The following GMEB2 variants were observed in gnomAD, a reference collection of about 807,000 sequenced individuals.
The protein encoded by GMEB2 is glucocorticoid modulatory element-binding protein 2.
In GMEB2, 7 loss-of-function variants were observed where a neutral mutation model predicts 45.7. That is an observed-to-expected ratio of 0.15 (90% confidence interval 0.09 to 0.29). The LOEUF is 0.29. Among genes scored for constraint, GMEB2 ranks in the 10% least tolerant of loss-of-function variants. The pLI is 1.00. For missense variants in GMEB2, 582 were observed against 739.2 expected, an observed-to-expected ratio of 0.79 and a Z score of 2.47; for synonymous variants, 322 against 323.6, an observed-to-expected ratio of 1.00 and a Z score of 0.05.
At chr20:63,604,203 A>AAT (rs2089500987) in intron 3 of GMEB2, among the ~76,000 whole-genome samples, 1 of 133,626 alleles carries the variant, frequency 7.5e-6, no homozygotes, top group South Asian at 2.5e-4. Flanking sequence ...ATTTCTTGAA[A>AAT]AAAAAAAAAA....
At chr20:63,614,363 G>C (rs1000441719) in intron 2 of GMEB2, among the ~76,000 whole-genome samples, 1 of 152,176 alleles carries the variant, frequency 6.6e-6, no homozygotes, top group Non-Finnish European at 1.5e-5. Flanking sequence ...ACAAGAGTGC[G>C]AGCCTTCTGT....
chr20:63,602,070 G>T (rs1390622697), intron 4 of GMEB2, among the ~76,000 whole-genome samples: 1 of 152,248 alleles, frequency 6.6e-6, no homozygotes, highest in African/African-American at 2.4e-5. Flanking sequence ...TCTGCTCCAG[G>T]AGCACTACTT....
At position 63,588,524 on chromosome 20, in the gene GMEB2, A is replaced by C. The variant is rs780154978; in HGVS notation, c.*1565T>G. On this transcript the variant is annotated 3_prime_UTR_variant, in exon 10 of 10. Coordinates refer to ENST00000370077, the MANE Select transcript of GMEB2 (RefSeq NM_012384.5). ...AAACCAGCTGACTGTGACAACAGCAAACAAAAATGTAACAGAGAAAACAAA... is the reference window on the plus strand; with the variant it reads ...AAACCAGCTGACTGTGACAACAGCACACAAAAATGTAACAGAGAAAACAAA... The C allele has an allele frequency of 2.6e-6, 1 of 391,012 alleles. No homozygotes were observed. The allele number at this position is 391,012 out of a possible 1,614,324, so 24.2% of individuals were successfully genotyped here. A position where few individuals can be genotyped will look rare whatever the true frequency, so the allele number is the denominator to read the frequency against.
At chr20:63,605,252 G>A (rs921062281) in intron 2 of GMEB2, among the ~76,000 whole-genome samples, 5 of 151,442 alleles carry the variant, frequency 3.3e-5, no homozygotes, top group African/African-American at 9.7e-5. Context: ...AAACAAAAAG[G>A]CCAGGTGCGG....
Position 63,595,596 on chromosome 20 carries a change from C to G in GMEB2, c.619+14G>C. On this transcript the variant is annotated intron_variant, in intron 6 of 9. Coordinates refer to ENST00000370077, the MANE Select transcript of GMEB2 (RefSeq NM_012384.5). ...GGTGGGGCTGGGTCAGGACGAGCAGCCCTGTGCACCTACCGTCGGCTGCGG... is the reference window on the plus strand; with the variant it reads ...GGTGGGGCTGGGTCAGGACGAGCAGGCCTGTGCACCTACCGTCGGCTGCGG... The G allele has an allele frequency of 6.3e-7, 1 of 1,592,976 alleles. No individual in the cohort carries two copies. The highest frequency in any genetic ancestry group is 8.5e-7 in the Non-Finnish European group (1 of 1,170,688).
intron 2 of GMEB2, among the ~76,000 whole-genome samples, chr20:63,615,958 C>T (rs2089605516): frequency 6.6e-6 from 1 of 152,144 alleles, no homozygotes; most frequent in African/African-American, 2.4e-5. Flanking sequence ...AAGGTGTTGA[C>T]AGTAGGAATC....
In GMEB2 at chr20:63,592,937, T is replaced by A; in HGVS notation, c.691+74A>T. ...CCCACCTGGACTCCTGGAGCCCCTGTGTGGCCCGAGGTGGGCAGAGACTCC... is the reference window on the plus strand; with the variant it reads ...CCCACCTGGACTCCTGGAGCCCCTGAGTGGCCCGAGGTGGGCAGAGACTCC... On this transcript the variant is annotated intron_variant, in intron 7 of 9. Transcript: ENST00000370077. This position sits in a 1 kb window ranked among gnomAD's most constrained non-coding sequence, Gnocchi z 8.2. The A allele has an allele frequency of 1.0e-6, 1 of 990,070 alleles. No homozygotes were observed. Among genetic ancestry groups the A allele is most frequent in the Non-Finnish European group, 1.6e-6 (1 of 633,622 alleles). The allele number at this position is 990,070 out of a possible 1,614,324, so 61.3% of individuals were successfully genotyped here. A position where few individuals can be genotyped will look rare whatever the true frequency, so the allele number is the denominator to read the frequency against.
chr20:63,608,799 C>A (rs866031956), intron 2 of GMEB2, among the ~76,000 whole-genome samples: 1 of 23,470 alleles, frequency 4.3e-5, no homozygotes. Context: ...CCCTCTGACC[C>A]CACCTCCATT....
chr20:63,597,615 A>C, intron 5 of GMEB2, 142 bp downstream of exon 5: 2 of 617,916 alleles, frequency 3.2e-6, no homozygotes, highest in South Asian at 3.6e-5. Flanking sequence ...GGGTGTGAGC[A>C]GGTGCAGCAG....
chr20:63,594,811 C>T (rs1318177573), intron 6 of GMEB2, among the ~76,000 whole-genome samples: 10 of 152,168 alleles, frequency 6.6e-5, no homozygotes, highest in Non-Finnish European at 1.2e-4. Flanking sequence ...GGCAGTGGAG[C>T]GATCTCAGCT....
chr20:63,590,490 G>C lies in GMEB2; in HGVS notation c.1192C>G (p.Leu398Val), dbSNP rs1242737841. 3 of 1,501,630 alleles carry C rather than the reference G, an allele frequency of 2.0e-6. No individual in the cohort carries two copies. Among genetic ancestry groups the C allele is most frequent in the Non-Finnish European group, 2.7e-6 (3 of 1,119,348 alleles). The allele number at this position is 1,501,630 out of a possible 1,614,324, so 93.0% of individuals were successfully genotyped here. A position where few individuals can be genotyped will look rare whatever the true frequency, so the allele number is the denominator to read the frequency against. Residue 398 changes from leucine to valine, a missense_variant, in exon 10 of 10, where the codon CTT becomes GTT. Physicochemically the swap from Leu to Val is conservative, Grantham distance 32. Around this residue, in one of 3 missense-constraint regions of GMEB2, gnomAD observed 462 missense variants for 586.7 expected, o/e 0.79. Transcript: ENST00000370077. ...GGCAGGGTGGACACCACTTTACCAAGGGGCACGCTGGTCAGCTGGGGGACG... is the reference window on the plus strand; with the variant it reads ...GGCAGGGTGGACACCACTTTACCAACGGGCACGCTGGTCAGCTGGGGGACG... Reference protein sequence around the residue: ...VPVPQLTSVPLGKVVSTLPST... With the variant: ...VPVPQLTSVPVGKVVSTLPST...
chr20:63,595,861 G>T (rs919377831), intron 5 of GMEB2, 94 bp from the exon 6 acceptor site: 27 of 1,166,192 alleles, frequency 2.3e-5, no homozygotes, highest in Non-Finnish European at 3.2e-5. Context: ...ACCTGCGTGG[G>T]GCAGGCCTAG....
In GMEB2 at chr20:63,608,859, CCT is replaced by C. The variant is rs1278480010; in HGVS notation, c.132-4021_132-4020del. Among the ~76,000 whole-genome samples the C allele has an allele frequency of 2.2e-3, 149 of 68,810 alleles. 2 individuals are homozygous for C. The highest frequency in any genetic ancestry group is 3.8e-3 in the Non-Finnish European group (113 of 29,384). The allele number at this position is 68,810 out of a possible 152,430, so 45.1% of individuals were successfully genotyped here. On this transcript the variant is annotated intron_variant, in intron 2 of 9. Coordinates refer to ENST00000370077, the MANE Select transcript of GMEB2 (RefSeq NM_012384.5). ...ACACCTCCATTTCTAGAAACATGCC[CCT>C]CTGACCCCACATCCATTTCTAGAAA...
At position 63,619,533 on chromosome 20, in the gene GMEB2, A is replaced by C; in HGVS notation, c.-57-79T>G. 1 of 820,256 alleles carries C rather than the reference A, an allele frequency of 1.2e-6. No homozygotes were observed. The highest frequency in any genetic ancestry group is 1.8e-6 in the Non-Finnish European group (1 of 550,822). The allele number at this position is 820,256 out of a possible 1,614,324, so 50.8% of individuals were successfully genotyped here. ...CATAGCACTCACAAAGGCATCTCTA[A>C]TCAGCTCCAAAGACCCACCCTTGAG... On this transcript the variant is annotated intron_variant, in intron 1 of 9. Transcript: ENST00000370077. The surrounding 1 kb of genome is among the most constrained non-coding windows in gnomAD (Gnocchi z 4.6).
At chr20:63,594,399 C>T (rs11696370) in intron 6 of GMEB2, among the ~76,000 whole-genome samples, 3 of 152,222 alleles carry the variant, frequency 2.0e-5, no homozygotes, top group Non-Finnish European at 4.4e-5. Flanking sequence ...AGACAGGAGG[C>T]TGGGCTCTAC....
At chr20:63,603,230 G>T in intron 3 of GMEB2, 138 bp from the exon 4 acceptor site, 1 of 861,968 alleles carries the variant, frequency 1.2e-6, no homozygotes. Flanking sequence ...CTGAGATAGA[G>T]CCAAGGTGGG....
chr20:63,593,259 T>C lies in GMEB2; in HGVS notation c.620-177A>G, dbSNP rs2083165780. Reference sequence around the variant, plus strand: ...GTGTACCTGCCTTATATTTTATGGCTATTTTTAATCACAGACGTTGTCAAA... The same window carrying C: ...GTGTACCTGCCTTATATTTTATGGCCATTTTTAATCACAGACGTTGTCAAA... On this transcript the variant is annotated intron_variant, in intron 6 of 9. Coordinates refer to ENST00000370077, the MANE Select transcript of GMEB2 (RefSeq NM_012384.5). The surrounding 1 kb of genome is among the most constrained non-coding windows in gnomAD (Gnocchi z 4.7). Among the ~76,000 whole-genome samples, 1 of 152,186 alleles carries C rather than the reference T, an allele frequency of 6.6e-6. No individual in the cohort carries two copies. The highest frequency in any genetic ancestry group is 2.4e-5 in the African/African-American group (1 of 41,444).
intron 1 of GMEB2, among the ~76,000 whole-genome samples, chr20:63,621,035 A>C (rs1053158399): frequency 6.6e-6 from 1 of 152,204 alleles, no homozygotes; most frequent in Non-Finnish European, 1.5e-5. Context: ...GAAATGTGAA[A>C]ATTAAAAACG....
intron 5 of GMEB2, among the ~76,000 whole-genome samples, chr20:63,596,875 G>A (rs934577903): frequency 1.3e-5 from 2 of 152,092 alleles, no homozygotes; most frequent in African/African-American, 4.8e-5. Context: ...AAAATTAGCC[G>A]GGTGTGCTGG....
Sources: allele counts gnomAD v4.1 joint callset (sites outside exome capture counted in the v4.1 genomes callset), GRCh38; gene constraint gnomAD v4.1.1; regional missense constraint gnomAD v4.1.1; non-coding constraint Gnocchi (gnomAD v3.1); transcripts MANE v1.5; gene names NCBI Gene and HGNC (gene_info 2026-07-23, HGNC 2026-07-21).